Variants in TARM1 observed in about 807,000 individuals in gnomAD.
TARM1 encodes the protein T cell-interacting, activating receptor on myeloid cells 1.
A neutral mutation model predicts 30.4 loss-of-function variants in TARM1; 24 were observed. The observed-to-expected ratio is 0.79, with a 90% CI of 0.57 to 1.11. The LOEUF (loss-of-function observed/expected upper bound fraction) is 1.11. Ranked by LOEUF, TARM1 falls within the 50% of genes least tolerant of loss-of-function variation. The probability of loss-of-function intolerance (pLI) is 0.00; values close to 1 mark genes in which losing one functional copy is unlikely to be tolerated. For synonymous variants in TARM1, 129 were observed against 138.9 expected (o/e 0.93, Z 0.50); for missense variants, 323 against 332.8 (o/e 0.97, Z 0.23).
intron 1 of TARM1, chr19:54,076,222 T>TCTTTCTTTCTTTCTTTTCCTTTC: frequency 2.7e-6 from 4 of 1,501,996 alleles, no homozygotes; most frequent in Non-Finnish European, 3.5e-6. Flanking sequence ...TCTTACCATT[T>TCTTTCTTTCTTTCTTTTCCTTTC]CTTTCTTTCT....
At chr19:54,074,278 G>T in intron 3 of TARM1, 62 bp from the exon 4 acceptor site, 2 of 1,458,722 alleles carry the variant, frequency 1.4e-6, no homozygotes, top group South Asian at 1.3e-5. Context: ...ACTCACCCCT[G>T]TTCTCCTGGC....
intron 1 of TARM1, 38 bp downstream of exon 1, chr19:54,081,269 T>G: frequency 6.5e-7 from 1 of 1,546,052 alleles, no homozygotes; most frequent in Non-Finnish European, 8.7e-7. Context: ...AGTTCCATGA[T>G]TTTCTGCAGT....
intron 4 of TARM1, 97 bp downstream of exon 4, chr19:54,073,823 T>C: frequency 7.2e-7 from 1 of 1,395,130 alleles, no homozygotes; most frequent in South Asian, 1.4e-5. Flanking sequence ...AGAGCGATGA[T>C]ATTGTAAGTA....
intron 1 of TARM1, among the ~76,000 whole-genome samples, chr19:54,080,288 A>G (rs1297902377): frequency 6.6e-6 from 1 of 151,298 alleles, no homozygotes; most frequent in Non-Finnish European, 1.5e-5. Context: ...CATCCTGGCT[A>G]ACACAGTGAA....
Position 54,074,051 on chromosome 19 carries a change from C to A in TARM1, c.527G>T (p.Gly176Val). The A allele has an allele frequency of 1.3e-6, 2 of 1,551,676 alleles. No homozygotes were observed. The highest frequency in any genetic ancestry group is 1.7e-6 in the Non-Finnish European group (2 of 1,147,000). ...CACCAGAGAGAAGTCTATCTCCTTC[C>A]CCGCTGGACTCTGCAGCTGGATGGG... ...PSPIQLQSPA[G>V]KEIDFSLVDV... The change falls in exon 4 of 5, where the codon GGG becomes GTG. Residue 176 changes from glycine to valine, a missense_variant. Transcript: ENST00000432826.
At chr19:54,072,451 T>G (rs2071835561) in intron 4 of TARM1, among the ~76,000 whole-genome samples, 1 of 152,104 alleles carries the variant, frequency 6.6e-6, no homozygotes. Context: ...ATGGGTAGAC[T>G]TCGCATCCAC....
chr19:54,079,106 A>C (rs1216455220), intron 1 of TARM1, among the ~76,000 whole-genome samples: 5 of 150,736 alleles, frequency 3.3e-5, no homozygotes, highest in African/African-American at 9.7e-5. Flanking sequence ...AAAAAAAAAA[A>C]AAAAAAACTT....
Position 54,074,035 on chromosome 19 carries a change from GAA to G in TARM1, c.541_542del (p.Phe181LeufsTer31). The G allele has an allele frequency of 6.4e-7, 1 of 1,551,678 alleles. No homozygotes were observed. The highest frequency in any genetic ancestry group is 8.7e-7 in the Non-Finnish European group (1 of 1,146,984). On this transcript the variant is annotated frameshift_variant, in exon 4 of 5. Coordinates refer to ENST00000432826, the MANE Select transcript of TARM1 (RefSeq NM_001135686.3). The part of the protein sequence containing the change: ...LQSPAGKEID[F>X]SLVDVTAGDA... ...CGCCGGCTGTCACGTCCACCAGAGA[GAA>G]GTCTATCTCCTTCCCCGCTGGACTC...
In TARM1 at chr19:54,074,253, A is replaced by G. The variant is rs777634343; in HGVS notation, c.362-37T>C. Reference sequence around the variant, plus strand: ...GTCAGGTTCTGAGGTCCTGGGGAGAAGTCTGGAATCCCCCACTCACCCCTG... The same window carrying G: ...GTCAGGTTCTGAGGTCCTGGGGAGAGGTCTGGAATCCCCCACTCACCCCTG... On this transcript the variant is annotated intron_variant, in intron 3 of 4. Transcript: ENST00000432826. The G allele has an allele frequency of 1.5e-5, 23 of 1,528,406 alleles. No homozygotes were observed. In the African/African-American group the frequency reaches 3.2e-4, roughly 21 times the overall value. 94.7% of individuals were successfully genotyped at this position (1,528,406 alleles called of 1,614,324 possible).
chr19:54,074,271 C>T lies in TARM1; in HGVS notation c.362-55G>A, dbSNP rs906104311. On this transcript the variant is annotated intron_variant, in intron 3 of 4. Transcript: ENST00000432826. ...GGGGAGAAGTCTGGAATCCCCCACT[C>T]ACCCCTGTTCTCCTGGCCGGAGGCT... 1.8e-5 allele frequency: 26 copies of T among 1,479,074 alleles called. No homozygotes were observed. In the African/African-American group the frequency reaches 2.4e-4, roughly 14 times the overall value. The allele number at this position is 1,479,074 out of a possible 1,614,324, so 91.6% of individuals were successfully genotyped here.
In TARM1 at chr19:54,070,157, G is replaced by T; in HGVS notation, c.662C>A (p.Pro221His). 1 of 1,551,470 alleles carries T rather than the reference G, an allele frequency of 6.4e-7. No homozygotes were observed. The highest frequency in any genetic ancestry group is 8.7e-7 in the Non-Finnish European group (1 of 1,146,848). ...GTAGTTGCTCGATGTGGTACCTGGGGGAACTGAAAGAGAGAAGGGGCTCAG... is the reference window on the plus strand; with the variant it reads ...GTAGTTGCTCGATGTGGTACCTGGGTGAACTGAAAGAGAGAAGGGGCTCAG... ...SDQLEILVTV[P>H]PGTTSSNYSL... Residue 221 changes from proline (P) to histidine (H), a missense_variant, in exon 5 of 5, where the codon CCC becomes CAC. Pro to His is a moderately conservative substitution (Grantham distance 77). Transcript: ENST00000432826.
intron 1 of TARM1, among the ~76,000 whole-genome samples, chr19:54,079,716 T>G (rs987843912): frequency 1.3e-5 from 2 of 151,046 alleles, no homozygotes; most frequent in Non-Finnish European, 3.0e-5. Context: ...CACGGGGCAC[T>G]GTGGCTCACG....
Position 54,080,199 on chromosome 19 carries a change from G to A in TARM1, c.34+1108C>T, listed in dbSNP as rs1467559242. Among the ~76,000 whole-genome samples, 6 of 147,380 alleles carry A rather than the reference G, an allele frequency of 4.1e-5. 1 individual carries two copies. Among genetic ancestry groups the A allele is most frequent in the Non-Finnish European group, 6.0e-5 (4 of 66,752 alleles). On this transcript the variant is annotated intron_variant, in intron 1 of 4. Coordinates refer to ENST00000432826, the MANE Select transcript of TARM1 (RefSeq NM_001135686.3). The stretch of plus-strand genomic sequence containing the variant: ...AGCAAGCAAGCAAGCAAGCAGGCAA[G>A]CAAGCGGGGGCTCACGCCTGTAATC...
At chr19:54,076,023 C>G (rs1423234901) in intron 1 of TARM1, 105 bp from the exon 2 acceptor site, 1 of 1,480,348 alleles carries the variant, frequency 6.8e-7, no homozygotes, top group African/African-American at 1.4e-5. Context: ...AGAACAGACC[C>G]TTAGAGGTCA....
intron 4 of TARM1, among the ~76,000 whole-genome samples, chr19:54,072,140 G>C (rs1318259368): frequency 6.6e-6 from 1 of 152,066 alleles, no homozygotes; most frequent in African/African-American, 2.4e-5. Context: ...ATTGAGCCGA[G>C]ATCGCGCCAC....
At chr19:54,071,061 G>A (rs779396285) in intron 4 of TARM1, among the ~76,000 whole-genome samples, 10 of 151,914 alleles carry the variant, frequency 6.6e-5, no homozygotes, top group African/African-American at 2.2e-4. Context: ...GGGTTCAAGC[G>A]ATTCTCCTGC....
At chr19:54,077,253 C>T (rs1370679036) in intron 1 of TARM1, among the ~76,000 whole-genome samples, 4 of 151,730 alleles carry the variant, frequency 2.6e-5, no homozygotes, top group East Asian at 1.9e-4. Flanking sequence ...TGGTGATGGG[C>T]GCCTGTGATC....
chr19:54,072,559 GTC>G, intron 4 of TARM1, among the ~76,000 whole-genome samples: 1 of 152,066 alleles, frequency 6.6e-6, no homozygotes, highest in South Asian at 2.1e-4. Flanking sequence ...GCCCAGGCTG[GTC>G]TCAAACTCCT....
chr19:54,070,002 G>C lies in TARM1; in HGVS notation c.*1C>G. 6.4e-7 allele frequency: 1 copy of C among 1,550,620 alleles called. No individual in the cohort carries two copies. Among genetic ancestry groups the C allele is most frequent in the Non-Finnish European group, 8.7e-7 (1 of 1,146,202 alleles). On this transcript the variant is annotated 3_prime_UTR_variant, in exon 5 of 5. Transcript: ENST00000432826. ...TTACCCAGCCCCGGTTCAAGATGGAGTCACTCTGGTTTGAAGGCCTCTGAT... is the reference window on the plus strand; with the variant it reads ...TTACCCAGCCCCGGTTCAAGATGGACTCACTCTGGTTTGAAGGCCTCTGAT...
Sources: allele counts gnomAD v4.1 joint callset (sites outside exome capture counted in the v4.1 genomes callset), GRCh38; gene constraint gnomAD v4.1.1; transcripts MANE v1.5; gene names NCBI Gene and HGNC (gene_info 2026-07-23, HGNC 2026-07-21).